The following GTF2I variants were observed in gnomAD, a reference collection of about 807,000 sequenced individuals.
GTF2I encodes the protein general transcription factor II-I.
Under a neutral mutation model 67.6 loss-of-function variants are expected in GTF2I, and 12 were observed. That is an observed-to-expected ratio of 0.18 (90% CI 0.11 to 0.29). The LOEUF (loss-of-function observed/expected upper bound fraction) is 0.29. Among genes scored for constraint, GTF2I ranks in the 10% least tolerant of loss-of-function variants. The pLI is 1.00. For missense variants in GTF2I, 271 were observed against 580.1 expected (o/e 0.47, Z 5.47); for synonymous variants, 149 against 197.0 (o/e 0.76, Z 2.04).
chr7:74,708,709 T>C (rs1222768621), intron 8 of GTF2I, among the ~76,000 whole-genome samples: 1 of 152,202 alleles, frequency 6.6e-6, no homozygotes. Flanking sequence ...AGCCAGCTGC[T>C]ATGCAGAGCT....
At chr7:74,702,189 GAGTGCA>G (rs1789869671) in intron 6 of GTF2I, among the ~76,000 whole-genome samples, 1 of 152,048 alleles carries the variant, frequency 6.6e-6, no homozygotes, top group South Asian at 2.1e-4. Flanking sequence ...ATTTACGTAG[GAGTGCA>G]ATTACTAGGA....
chr7:74,684,405 G>A (rs1787513672), intron 1 of GTF2I, among the ~76,000 whole-genome samples: 1 of 152,168 alleles, frequency 6.6e-6, no homozygotes, highest in African/African-American at 2.4e-5. Flanking sequence ...TGGTCCTGTG[G>A]GGACCGGTGC....
At chr7:74,695,821 G>A (rs968338229) in intron 3 of GTF2I, among the ~76,000 whole-genome samples, 9 of 151,988 alleles carry the variant, frequency 5.9e-5, no homozygotes, top group Non-Finnish European at 1.2e-4. Flanking sequence ...ATCAGCTGCT[G>A]TCTGCCCCAC....
At chr7:74,726,945 A>ATG (rs1562979305) in intron 12 of GTF2I, 2 of 133,318 alleles carry the variant, frequency 1.5e-5, no homozygotes, top group Non-Finnish European at 1.7e-5. Flanking sequence ...GATAGATAGA[A>ATG]AGAATGAGAC....
At chr7:74,681,979 G>T (rs1408982800) in intron 1 of GTF2I, among the ~76,000 whole-genome samples, 2 of 152,122 alleles carry the variant, frequency 1.3e-5, no homozygotes, top group East Asian at 3.8e-4. Context: ...ACAGGAATGT[G>T]GTACGCATGA....
chr7:74,716,977 T>C, intron 11 of GTF2I, 27 bp downstream of exon 11: 3 of 1,576,674 alleles, frequency 1.9e-6, no homozygotes, highest in Non-Finnish European at 2.6e-6. Context: ...ATTGCATATT[T>C]TCCACTATTT....
At chr7:74,687,247 C>T (rs587654775) in intron 1 of GTF2I, among the ~76,000 whole-genome samples, 5 of 151,378 alleles carry the variant, frequency 3.3e-5, no homozygotes, top group South Asian at 4.2e-4. Flanking sequence ...TTTTTTGAGG[C>T]GGAGTCTCAC....
intron 9 of GTF2I, among the ~76,000 whole-genome samples, chr7:74,714,381 C>T (rs587680938): frequency 1.3e-5 from 2 of 152,118 alleles, no homozygotes; most frequent in Admixed American, 1.3e-4. Context: ...AGATGGTTTA[C>T]GTTATTTTAG....
intron 8 of GTF2I, among the ~76,000 whole-genome samples, chr7:74,706,820 T>G (rs1247645718): frequency 2.6e-5 from 4 of 152,312 alleles, no homozygotes; most frequent in Middle Eastern, 6.8e-3. Flanking sequence ...CCATTTTCAA[T>G]TCTCAAATAA....
At chr7:74,697,388 C>CG (rs1427294369) in intron 3 of GTF2I, among the ~76,000 whole-genome samples, 4 of 151,840 alleles carry the variant, frequency 2.6e-5, no homozygotes, top group Non-Finnish European at 5.9e-5. Context: ...AGCAAGACTC[C>CG]GTCTCCAGAA....
At chr7:74,689,074 C>T in intron 1 of GTF2I, 50 bp from the exon 2 acceptor site, 1 of 1,099,474 alleles carries the variant, frequency 9.1e-7, no homozygotes. Context: ...GCTGTGGGTT[C>T]AGGACACCAG....
chr7:74,692,125 G>A (rs1211651247), intron 3 of GTF2I, among the ~76,000 whole-genome samples: 1 of 149,624 alleles, frequency 6.7e-6, no homozygotes, highest in Non-Finnish European at 1.5e-5. Flanking sequence ...CCAGGCTGGA[G>A]TGCAGTGGCG....
intron 1 of GTF2I, among the ~76,000 whole-genome samples, chr7:74,662,255 A>G (rs1584055001): frequency 8.1e-6 from 1 of 123,402 alleles, no homozygotes; most frequent in East Asian, 2.3e-4. Context: ...TCTGTCGCCC[A>G]GGCTGGAGTG....
At chr7:74,672,379 A>G (rs1321785285) in intron 1 of GTF2I, among the ~76,000 whole-genome samples, 1 of 152,062 alleles carries the variant, frequency 6.6e-6, no homozygotes, top group African/African-American at 2.4e-5. Flanking sequence ...CGTCTCTACT[A>G]AAATTACAAA....
At chr7:74,683,159 A>G (rs1353059760) in intron 1 of GTF2I, among the ~76,000 whole-genome samples, 1 of 152,204 alleles carries the variant, frequency 6.6e-6, no homozygotes, top group Non-Finnish European at 1.5e-5. Flanking sequence ...AAGCCCATGA[A>G]TGACAGACAT....
At chr7:74,721,102 C>T (rs1182270051) in intron 12 of GTF2I, among the ~76,000 whole-genome samples, 2 of 151,976 alleles carry the variant, frequency 1.3e-5, no homozygotes, top group Non-Finnish European at 1.5e-5. Flanking sequence ...AGTGCATTGG[C>T]GCTATCTCGG....
intron 3 of GTF2I, among the ~76,000 whole-genome samples, chr7:74,696,493 ATTT>A (rs782445780): frequency 0.017 from 2,386 of 137,894 alleles, 33 homozygotes; most frequent in Non-Finnish European, 0.026. Context: ...CACTCGGCTA[ATTT>A]TTTTTTTTTT....
intron 9 of GTF2I, among the ~76,000 whole-genome samples, chr7:74,713,760 A>G (rs1791913752): frequency 6.6e-6 from 1 of 152,146 alleles, no homozygotes; most frequent in Non-Finnish European, 1.5e-5. Context: ...AGCCTTCACT[A>G]AGGTTGCATT....
chr7:74,668,559 ATATTTATTTATT>A (rs587731389), intron 1 of GTF2I, among the ~76,000 whole-genome samples: 17 of 151,128 alleles, frequency 1.1e-4, no homozygotes, highest in African/African-American at 2.9e-4. Context: ...CTTAAAGATC[ATATTTATTTATT>A]TATTTATTTA....
Sources: allele counts gnomAD v4.1 joint callset (sites outside exome capture counted in the v4.1 genomes callset), GRCh38; gene constraint gnomAD v4.1.1; transcripts MANE v1.5; gene names NCBI Gene and HGNC (gene_info 2026-07-23, HGNC 2026-07-21).